Variants in ZC3H14 observed in about 807,000 individuals in gnomAD.
ZC3H14 encodes the protein zinc finger CCCH-type containing 14, also known as zinc finger CCCH domain-containing protein 14.
A neutral mutation model predicts 92.4 loss-of-function variants in ZC3H14; 31 were observed. The ratio of observed to expected loss-of-function variants is 0.34; its 90% CI spans 0.25 to 0.45. ZC3H14 has a LOEUF of 0.45. Among genes scored for constraint, ZC3H14 ranks in the 20% least tolerant of loss-of-function variants. The pLI is 1.00. For synonymous variants in ZC3H14, 321 were observed against 300.9 expected, an observed-to-expected ratio of 1.07 and a Z score of -0.69; for missense variants, 781 against 897.3, an observed-to-expected ratio of 0.87 and a Z score of 1.66.
chr14:88,578,434 C>T (rs1161327312), intron 9 of ZC3H14, among the ~76,000 whole-genome samples: 2 of 152,154 alleles, frequency 1.3e-5, no homozygotes, highest in African/African-American at 2.4e-5. Context: ...GTGTGTGCCA[C>T]TGCACCCAGC....
At chr14:88,605,207 G>A (rs1449768244) in intron 12 of ZC3H14, among the ~76,000 whole-genome samples, 1 of 152,108 alleles carries the variant, frequency 6.6e-6, no homozygotes, top group East Asian at 1.9e-4. Context: ...TTTATTATAG[G>A]AAAAGGGTAA....
Position 88,613,702 on chromosome 14 carries a change from G to T in ZC3H14, c.*1951G>T, listed in dbSNP as rs1156941327. ...GCATGGTTGGCGATTGGAAGCAAGG[G>T]TACCAGAGGGCACAGTGTGCTTTGG... is the stretch of plus-strand genomic sequence containing the variant. On this transcript the variant is annotated 3_prime_UTR_variant, in exon 17 of 17. Transcript: ENST00000251038. The T allele has an allele frequency of 6.6e-6, 1 of 152,150 alleles. No individual in the cohort carries two copies. The highest frequency in any genetic ancestry group is 2.4e-5 in the African/African-American group (1 of 41,432). The allele number at this position is 152,150 out of a possible 1,614,324, so 9.4% of individuals were successfully genotyped here. A position where few individuals can be genotyped will look rare whatever the true frequency, so the allele number is the denominator to read the frequency against.
chr14:88,563,801 C>G, intron 2 of ZC3H14, 108 bp downstream of exon 2: 1 of 1,040,352 alleles, frequency 9.6e-7, no homozygotes. Context: ...GAGAGACTCC[C>G]TTCTACCTTC....
chr14:88,572,904 G>A lies in ZC3H14; in HGVS notation c.758G>A (p.Trp253Ter), dbSNP rs1196496444. Residue 253 changes from tryptophan (W) to a stop codon, truncating the protein, a stop_gained, in exon 6 of 17, where the codon TGG becomes TAG. Transcript: ENST00000251038. LOFTEE classifies it high-confidence loss of function. ...AAKQLDMQSSWVYETGRLCEP... is the reference protein window; with the variant it reads ...AAKQLDMQSS The stretch of plus-strand genomic sequence containing the variant: ...AAGCAGCTTGATATGCAGAGTAGTT[G>A]GGTATATGAAACAGGACGTTTGTGT... 6.2e-7 allele frequency: 1 copy of A among 1,614,160 alleles called. No homozygotes were observed. The highest frequency in any genetic ancestry group is 1.7e-5 in the Admixed American group (1 of 60,016).
chr14:88,600,515 C>T (rs978171511), intron 10 of ZC3H14, among the ~76,000 whole-genome samples: 3 of 151,452 alleles, frequency 2.0e-5, no homozygotes, highest in Admixed American at 6.6e-5. Context: ...CAATCCTGCT[C>T]ATTGCAGCCT....
chr14:88,602,285 C>T (rs572531216), intron 11 of ZC3H14, among the ~76,000 whole-genome samples: 1 of 152,270 alleles, frequency 6.6e-6, no homozygotes, highest in South Asian at 2.1e-4. Context: ...ATCCATTAAC[C>T]TACAAATTAC....
At chr14:88,592,741 TC>T (rs1159772339) in intron 9 of ZC3H14, among the ~76,000 whole-genome samples, 2 of 151,984 alleles carry the variant, frequency 1.3e-5, no homozygotes, top group Non-Finnish European at 2.9e-5. Context: ...CCTCAAGTGA[TC>T]CACCTGCCTT....
In ZC3H14 at chr14:88,587,497, C is replaced by T. The variant is rs1244124261; in HGVS notation, c.1280-9237C>T. 7.2e-5 allele frequency among the ~76,000 whole-genome samples: 11 copies of T among 152,120 alleles called. No individual in the cohort carries two copies. In the East Asian group the frequency reaches 1.5e-3, roughly 21 times the overall value. On this transcript the variant is annotated intron_variant, in intron 9 of 16. Transcript: ENST00000251038. ...TCAAGTCTTATATTTTCTTTCTTGC[C>T]GCCACCTACATTCTGTCCTGCCTCC...
In ZC3H14 at chr14:88,622,666, G is replaced by A. The variant is rs756203892; in HGVS notation, c.*10915G>A. The A allele has an allele frequency of 3.0e-5, 48 of 1,610,590 alleles. No homozygotes were observed. Among genetic ancestry groups the A allele is most frequent in the Non-Finnish European group, 3.3e-5 (39 of 1,178,364 alleles). ...TGTCCTGTCTCAAGCCTGAAGGCAC[G>A]GCACCGCCTCAGTTCCTGATCCCAC... On this transcript the variant is annotated 3_prime_UTR_variant, in exon 17 of 17. Transcript: ENST00000251038.
intron 4 of ZC3H14, 23 bp downstream of exon 4, chr14:88,571,147 T>TTC: frequency 6.4e-7 from 1 of 1,569,576 alleles, no homozygotes; most frequent in South Asian, 1.2e-5. Context: ...ACTTTTTTTT[T>TTC]TAATTTCTGC....
chr14:88,570,366 C>T (rs932392203), intron 3 of ZC3H14, among the ~76,000 whole-genome samples: 26 of 152,102 alleles, frequency 1.7e-4, no homozygotes, highest in African/African-American at 5.6e-4. Flanking sequence ...GGCAAAGTAC[C>T]TCATTTATAA....
Position 88,607,307 on chromosome 14 carries a change from G to C in ZC3H14, c.1812G>C (p.Trp604Cys). Residue 604 changes from tryptophan to cysteine, a missense_variant, in exon 13 of 17, where the codon TGG becomes TGC. Physicochemically the swap from Trp to Cys is radical, Grantham distance 215. Transcript: ENST00000251038. ...PEKLLERCKY[W>C]PACKNGDECA... ...AACTTTTGGAGCGCTGCAAGTACTG[G>C]CCTGCTTGTAAAAATGGGGATGAGT... 1 of 1,613,918 alleles carries C rather than the reference G, an allele frequency of 6.2e-7. No homozygotes were observed. The highest frequency in any genetic ancestry group is 8.5e-7 in the Non-Finnish European group (1 of 1,179,946).
chr14:88,563,627 G>A, intron 1 of ZC3H14, 24 bp from the exon 2 acceptor site: 1 of 1,613,868 alleles, frequency 6.2e-7, no homozygotes, highest in South Asian at 1.1e-5. Flanking sequence ...TTTCTCACAT[G>A]CACGTTTGCT....
rs1302653459 is a variant in ZC3H14 at position 88,615,758 on chromosome 14, G to A, written c.*4007G>A. 1 of 1,553,500 alleles carries A rather than the reference G, an allele frequency of 6.4e-7. No individual in the cohort carries two copies. The highest frequency in any genetic ancestry group is 2.3e-5 in the East Asian group (1 of 43,914). On this transcript the variant is annotated 3_prime_UTR_variant, in exon 17 of 17. Coordinates refer to ENST00000251038, the MANE Select transcript of ZC3H14 (RefSeq NM_024824.5). ...ACTTGACCATGCAGGGTTGGGTTTT[G>A]GTTTTTCTTCTCTGTAATTCTGGTC...
rs971106468 is a variant in ZC3H14 at position 88,627,586 on chromosome 14, A to G, written c.*15835A>G. ...ACTTTAAGACAAATATTAAATACAG[A>G]ATTCCTACTACCTTTGTATTCTTGT... On this transcript the variant is annotated 3_prime_UTR_variant, in exon 17 of 17. Transcript: ENST00000251038. 7.4e-6 allele frequency: 11 copies of G among 1,496,576 alleles called. No individual in the cohort carries two copies. The East Asian group carries it at 2.3e-4, about 31-fold the overall frequency. The allele number at this position is 1,496,576 out of a possible 1,614,324, so 92.7% of individuals were successfully genotyped here. A position where few individuals can be genotyped will look rare whatever the true frequency, so the allele number is the denominator to read the frequency against.
intron 2 of ZC3H14, among the ~76,000 whole-genome samples, chr14:88,566,020 A>ACC (rs1471025186): frequency 1.1e-3 from 4 of 3,532 alleles, no homozygotes; most frequent in Admixed American, 5.6e-3. Context: ...GGCACCTGCC[A>ACC]CCACCCCGCC....
chr14:88,590,588 C>T (rs750116483), intron 9 of ZC3H14: 1 of 152,170 alleles, frequency 6.6e-6, no homozygotes, highest in African/African-American at 2.4e-5. Flanking sequence ...TTTATTTTTC[C>T]CCATAACGTT....
chr14:88,565,072 A>G (rs966101065), intron 2 of ZC3H14, among the ~76,000 whole-genome samples: 28 of 152,252 alleles, frequency 1.8e-4, no homozygotes, highest in African/African-American at 6.3e-4. Flanking sequence ...GCCTGCCTCC[A>G]TGAATTTCAC....
chr14:88,610,645 T>TAAAAAAA (rs11453178), intron 15 of ZC3H14, among the ~76,000 whole-genome samples, 189 bp from the exon 16 acceptor site: 1 of 144,474 alleles, frequency 6.9e-6, no homozygotes, highest in African/African-American at 2.6e-5. Context: ...CCCCATCTCT[T>TAAAAAAA]AAAAAAAAAA....
Sources: allele counts gnomAD v4.1 joint callset (sites outside exome capture counted in the v4.1 genomes callset), GRCh38; gene constraint gnomAD v4.1.1; transcripts MANE v1.5; gene names NCBI Gene and HGNC (gene_info 2026-07-23, HGNC 2026-07-21).